NODAL: variants seen among roughly 807,000 people sequenced by gnomAD.
NODAL encodes the protein nodal homolog.
Under a neutral mutation model 34.0 loss-of-function variants are expected in NODAL, and 12 were observed. The ratio of observed to expected loss-of-function variants is 0.35; its 90% confidence interval spans 0.23 to 0.57. NODAL has a LOEUF of 0.57. Ranked by LOEUF, NODAL falls within the 20% of genes least tolerant of loss-of-function variation. The probability of loss-of-function intolerance (pLI) is 0.83; values close to 1 mark genes in which losing one functional copy is unlikely to be tolerated. For missense variants in NODAL, 390 were observed against 444.2 expected, an observed-to-expected ratio of 0.88 and a Z score of 1.10; for synonymous variants, 162 against 186.4, an observed-to-expected ratio of 0.87 and a Z score of 1.07.
At chr10:70,436,411 T>C in intron 1 of NODAL, 1 of 268,346 alleles carries the variant, frequency 3.7e-6, no homozygotes, top group South Asian at 4.4e-5. Flanking sequence ...CTGTCTCTAC[T>C]AAAAATACAA....
intron 1 of NODAL, among the ~76,000 whole-genome samples, chr10:70,439,937 T>C (rs557413045): frequency 6.6e-6 from 1 of 152,322 alleles, no homozygotes; most frequent in East Asian, 1.9e-4. Context: ...CTGGGCGCAG[T>C]GGCGCGCGCC....
chr10:70,441,364 C>G (rs1240325030), intron 1 of NODAL, 111 bp downstream of exon 1: 1 of 1,280,698 alleles, frequency 7.8e-7, no homozygotes, highest in Non-Finnish European at 1.1e-6. Flanking sequence ...GGCTGCAAAC[C>G]CGGCTCGGAG....
intron 1 of NODAL, among the ~76,000 whole-genome samples, chr10:70,447,663 G>GAA (rs55741632): frequency 1.2e-3 from 175 of 144,276 alleles, no homozygotes; most frequent in Middle Eastern, 3.5e-3. Flanking sequence ...CCTGTCTCAG[G>GAA]AAAAAAAAAA....
intron 1 of NODAL, among the ~76,000 whole-genome samples, chr10:70,446,858 CAGTA>C (rs1298955190): frequency 9.2e-5 from 14 of 152,228 alleles, no homozygotes; most frequent in African/African-American, 3.1e-4. Flanking sequence ...ACACAGGTAC[CAGTA>C]AGTATTTGCT....
In NODAL at chr10:70,432,519, A is replaced by G. The variant is rs1845279037; in HGVS notation, c.*417T>C. On this transcript the variant is annotated 3_prime_UTR_variant, in exon 3 of 3. Transcript: ENST00000287139. ...GGGGAGGGGGACAGGTCACACACAG[A>G]CTACTTTGGAGAATACATGAAAGCT... 1 of 306,296 alleles carries G rather than the reference A, an allele frequency of 3.3e-6. No individual in the cohort carries two copies. The highest frequency in any genetic ancestry group is 8.0e-5 in the East Asian group (1 of 12,462). The allele number at this position is 306,296 out of a possible 1,614,324, so 19.0% of individuals were successfully genotyped here.
chr10:70,446,235 G>A (rs573263797), upstream of NODAL, among the ~76,000 whole-genome samples: 6 of 152,284 alleles, frequency 3.9e-5, no homozygotes, highest in South Asian at 1.0e-3. Context: ...CTGGCAAGAG[G>A]GTGGGGGCAA....
intron 1 of NODAL, among the ~76,000 whole-genome samples, chr10:70,439,585 A>C (rs1042289710): frequency 6.6e-6 from 1 of 152,250 alleles, no homozygotes; most frequent in African/African-American, 2.4e-5. Context: ...CAACAGATAC[A>C]GATGTAAACC....
chr10:70,441,672 G>A lies in NODAL; in HGVS notation c.-5C>T, dbSNP rs1488886014. The A allele has an allele frequency of 3.2e-6, 5 of 1,548,866 alleles. No individual in the cohort carries two copies. The Admixed American group carries it at 7.8e-5, about 24-fold the overall frequency. On this transcript the variant is annotated 5_prime_UTR_variant, in exon 1 of 3. Transcript: ENST00000287139. ...GGGCAGGCAGTGGGCGTGCATGGTG[G>A]GCTGGCCAGGCCTGAAAGCAGCACC...
chr10:70,434,997 G>A, intron 2 of NODAL: 1 of 425,830 alleles, frequency 2.3e-6, no homozygotes. Context: ...GGGAAGTGCT[G>A]AGACCCTCTG....
chr10:70,441,487 G>A lies in NODAL; in HGVS notation c.181C>T (p.Leu61=). Residue 61 remains leucine, a synonymous_variant, in exon 1 of 3, where the codon CTA becomes TTA. Transcript: ENST00000287139. The part of the protein sequence containing the change: ...PLPRADIIRS[L]QAEDVAVDGQ... ...CGGCACTGCCTACCTTCTGCCTGTA[G>A]GCTGCGGATGATGTCTGCCCTCGGC... 6.3e-7 allele frequency: 1 copy of A among 1,587,526 alleles called. No homozygotes were observed. The highest frequency in any genetic ancestry group is 8.6e-7 in the Non-Finnish European group (1 of 1,168,794).
chr10:70,441,512 C>T lies in NODAL; in HGVS notation c.156G>A (p.Leu52=), dbSNP rs1280125117. Residue 52 remains leucine (L), a synonymous_variant, in exon 1 of 3, where the codon CTG becomes CTA. Transcript: ENST00000287139. ...AYMLSLYRDP[L]PRADIIRSLQ... ...GGCTGCGGATGATGTCTGCCCTCGG[C>T]AGCGGGTCGCGGTAGAGGCTCAGCA... 6.3e-7 allele frequency: 1 copy of T among 1,594,788 alleles called. No individual in the cohort carries two copies. The highest frequency in any genetic ancestry group is 8.5e-7 in the Non-Finnish European group (1 of 1,172,096).
At chr10:70,440,618 G>A (rs1845417591) in intron 1 of NODAL, among the ~76,000 whole-genome samples, 1 of 152,178 alleles carries the variant, frequency 6.6e-6, no homozygotes, top group Non-Finnish European at 1.5e-5. Context: ...TTGAGGCGCG[G>A]AAGGGGCTCC....
upstream of NODAL, among the ~76,000 whole-genome samples, chr10:70,443,475 G>C (rs986781840): frequency 2.6e-5 from 4 of 152,048 alleles, no homozygotes; most frequent in African/African-American, 9.7e-5. Context: ...ATAGCTTGAG[G>C]CCAGGAGTTT....
upstream of NODAL, among the ~76,000 whole-genome samples, chr10:70,445,594 C>A (rs992044057): frequency 2.0e-5 from 3 of 152,182 alleles, no homozygotes; most frequent in African/African-American, 7.2e-5. Flanking sequence ...ATAATAATAA[C>A]CATAGCTAAC....
At chr10:70,437,502 C>T (rs1030544303) in intron 1 of NODAL, among the ~76,000 whole-genome samples, 5 of 152,132 alleles carry the variant, frequency 3.3e-5, no homozygotes, top group African/African-American at 9.7e-5. Context: ...CTCTTCTTTG[C>T]GATGGGAATA....
rs1023858722 is a variant in NODAL at position 70,435,435 on chromosome 10, G to A, written c.742C>T (p.Arg248Trp). 5.0e-6 allele frequency: 8 copies of A among 1,614,052 alleles called. No individual in the cohort carries two copies. The highest frequency in any genetic ancestry group is 1.3e-5 in the African/African-American group (1 of 74,920). The stretch of plus-strand genomic sequence containing the variant: ...AAGTCCACCTGGAACTTGACCTTCC[G>A]ACACAGTTGACTTCTGTCTGGCAAG... Reference protein sequence around the residue: ...HHLPDRSQLCRKVKFQVDFNL... With the variant: ...HHLPDRSQLCWKVKFQVDFNL... The change falls in exon 2 of 3, where the codon CGG becomes TGG. Residue 248 changes from arginine (R) to tryptophan (W), a missense_variant. By Grantham distance (101) the Arg-to-Trp change is moderately radical. Transcript: ENST00000287139.
chr10:70,434,025 C>T (rs1845307994), intron 2 of NODAL, among the ~76,000 whole-genome samples: 2 of 152,100 alleles, frequency 1.3e-5, no homozygotes, highest in African/African-American at 4.8e-5. Flanking sequence ...TCCTCGGAAG[C>T]TCTAGTACCC....
chr10:70,438,453 C>G (rs1845384664), intron 1 of NODAL, among the ~76,000 whole-genome samples: 1 of 152,190 alleles, frequency 6.6e-6, no homozygotes, highest in Non-Finnish European at 1.5e-5. Flanking sequence ...CTCAGTTTCC[C>G]TCTCTGTAAA....
Position 70,435,954 on chromosome 10 carries a change from A to G in NODAL, c.223T>C (p.Phe75Leu). The G allele has an allele frequency of 6.2e-7, 1 of 1,614,120 alleles. No homozygotes were observed. Among genetic ancestry groups the G allele is most frequent in the Non-Finnish European group, 8.5e-7 (1 of 1,180,022 alleles). ...CTCAGGAAGGAGAAGTCAAAAGCAA[A>G]CGTCCAGTTCTGCCCATCCACTGCC... ...DVAVDGQNWT[F>L]AFDFSFLSQQ... Residue 75 changes from phenylalanine to leucine, a missense_variant, in exon 2 of 3, where the codon TTT (phenylalanine) becomes CTT (leucine). Coordinates refer to ENST00000287139, the MANE Select transcript of NODAL (RefSeq NM_018055.5).
Sources: allele counts gnomAD v4.1 joint callset (sites outside exome capture counted in the v4.1 genomes callset), GRCh38; gene constraint gnomAD v4.1.1; transcripts MANE v1.5; gene names NCBI Gene and HGNC (gene_info 2026-07-23, HGNC 2026-07-21).